The following RAPGEF4 variants were observed in gnomAD, a reference collection of about 807,000 sequenced individuals.
RAPGEF4 encodes the protein Rap guanine nucleotide exchange factor 4, also known as RAP guanine-nucleotide-exchange factor (GEF) 4.
Under a neutral mutation model 147.9 loss-of-function variants are expected in RAPGEF4, and 66 were observed. The ratio of observed to expected loss-of-function variants is 0.45; its 90% CI spans 0.37 to 0.55. The LOEUF (loss-of-function observed/expected upper bound fraction) is 0.55. Ranked by LOEUF, RAPGEF4 falls within the 20% of genes least tolerant of loss-of-function variation. RAPGEF4 has a pLI of 0.00. For synonymous variants in RAPGEF4, 419 were observed against 442.7 expected (o/e 0.95, Z 0.67); for missense variants, 1,071 against 1,257.3 (o/e 0.85, Z 2.24).
At chr2:172,877,590 GT>G (rs570356179) in intron 4 of RAPGEF4, among the ~76,000 whole-genome samples, 97 of 151,940 alleles carry the variant, frequency 6.4e-4, no homozygotes, top group Non-Finnish European at 9.1e-4. Context: ...ATGATGAGCT[GT>G]TCCCTACTGG....
In RAPGEF4 at chr2:172,956,480, T is replaced by C. The variant is rs551790240; in HGVS notation, c.538-4280T>C. On this transcript the variant is annotated intron_variant, in intron 6 of 30. Transcript: ENST00000397081. ...TTACAAAGTTTCTTTTTCTTTTTTT[T>C]TTTTTTTGAGATGGAATCTCACTCT... 2.3e-3 allele frequency among the ~76,000 whole-genome samples: 340 copies of C among 150,698 alleles called. 2 individuals carry two copies. The highest frequency in any genetic ancestry group is 8.1e-3 in the African/African-American group (333 of 41,242).
Position 172,773,648 on chromosome 2 carries a change from C to T in RAPGEF4, c.66-21377C>T, listed in dbSNP as rs542411272. On this transcript the variant is annotated intron_variant, in intron 1 of 30. Transcript: ENST00000397081. ...ACTGCCTCCCTGCCCCACACTGCCC[C>T]CCCCGCGGACCATCCTACCCAACAG... Among the ~76,000 whole-genome samples, 7 of 151,880 alleles carry T rather than the reference C, an allele frequency of 4.6e-5. No individual in the cohort carries two copies. In the East Asian group the frequency reaches 5.8e-4, roughly 13 times the overall value.
At position 172,844,824 on chromosome 2, in the gene RAPGEF4, G is replaced by C. The variant is rs142020458; in HGVS notation, c.444+30399G>C. ...GACATATTGTAAGCCACTCAAAAGT[G>C]ATAGTTTCAGTTTAATGTCATCTAC... On this transcript the variant is annotated intron_variant, in intron 4 of 30. Transcript: ENST00000397081. Among the ~76,000 whole-genome samples, 8 of 152,312 alleles carry C rather than the reference G, an allele frequency of 5.3e-5. 1 individual carries two copies. In the East Asian group the frequency reaches 1.5e-3, roughly 29 times the overall value.
intron 18 of RAPGEF4, among the ~76,000 whole-genome samples, chr2:173,015,086 T>TAGTA (rs1695388407): frequency 6.6e-6 from 1 of 152,202 alleles, no homozygotes; most frequent in Non-Finnish European, 1.5e-5. Context: ...CTTCCTAGAA[T>TAGTA]AGTAGTACGG....
intron 6 of RAPGEF4, among the ~76,000 whole-genome samples, chr2:172,958,260 A>T (rs904862669): frequency 6.6e-6 from 1 of 152,218 alleles, no homozygotes; most frequent in Non-Finnish European, 1.5e-5. Flanking sequence ...ATGGATTTCT[A>T]CTATTATTTT....
intron 29 of RAPGEF4, among the ~76,000 whole-genome samples, chr2:173,046,675 T>A (rs1242110819): frequency 2.0e-5 from 3 of 152,254 alleles, no homozygotes; most frequent in Admixed American, 2.0e-4. Context: ...GGGCTAATTA[T>A]ACATTGTACG....
At chr2:172,985,976 A>G (rs1692207736) in intron 12 of RAPGEF4, among the ~76,000 whole-genome samples, 1 of 152,238 alleles carries the variant, frequency 6.6e-6, no homozygotes, top group South Asian at 2.1e-4. Context: ...TTTGCTTCAA[A>G]TACATATGCA....
chr2:172,810,543 C>A (rs1487416408), intron 3 of RAPGEF4, among the ~76,000 whole-genome samples: 1 of 152,136 alleles, frequency 6.6e-6, no homozygotes, highest in Non-Finnish European at 1.5e-5. Context: ...ATCCAGTGGA[C>A]TGAGAAATGA....
chr2:172,792,778 C>T (rs1685954603), intron 1 of RAPGEF4, among the ~76,000 whole-genome samples: 1 of 152,148 alleles, frequency 6.6e-6, no homozygotes, highest in South Asian at 2.1e-4. Context: ...GAACTCTGGC[C>T]TAGCTAGTCT....
At chr2:172,804,379 G>A (rs750202638) in intron 3 of RAPGEF4, among the ~76,000 whole-genome samples, 1 of 152,108 alleles carries the variant, frequency 6.6e-6, no homozygotes, top group Non-Finnish European at 1.5e-5. Context: ...TGGGTTGAGG[G>A]TCCTACTTAT....
chr2:173,043,207 A>G (rs1265364175), intron 29 of RAPGEF4, among the ~76,000 whole-genome samples: 2 of 152,246 alleles, frequency 1.3e-5, no homozygotes, highest in South Asian at 4.1e-4. Context: ...GTAATTAACA[A>G]AGGTCCTATA....
chr2:172,762,855 AT>A (rs887806457), intron 1 of RAPGEF4, among the ~76,000 whole-genome samples: 34 of 152,050 alleles, frequency 2.2e-4, no homozygotes, highest in African/African-American at 7.7e-4. Context: ...TAAAACACTG[AT>A]TGTGGACTTG....
chr2:172,877,554 A>G (rs1696113320), intron 4 of RAPGEF4, among the ~76,000 whole-genome samples: 1 of 151,260 alleles, frequency 6.6e-6, no homozygotes, highest in Admixed American at 6.6e-5. Flanking sequence ...AAAAGAAATG[A>G]GTTTAAAGTC....
chr2:173,018,865 A>G, intron 22 of RAPGEF4, 63 bp downstream of exon 22: 2 of 1,569,540 alleles, frequency 1.3e-6, no homozygotes, highest in South Asian at 1.2e-5. Flanking sequence ...AGCAGAAACT[A>G]TGTAAGGAGT....
chr2:172,916,847 C>T (rs1194215882), intron 4 of RAPGEF4, among the ~76,000 whole-genome samples: 4 of 152,186 alleles, frequency 2.6e-5, no homozygotes, highest in Non-Finnish European at 5.9e-5. Context: ...TTTCTGCTGA[C>T]GTTTGTGCAA....
chr2:173,028,163 G>C (rs1022882039), intron 25 of RAPGEF4, among the ~76,000 whole-genome samples: 1 of 152,306 alleles, frequency 6.6e-6, no homozygotes, highest in South Asian at 2.1e-4. Flanking sequence ...CAACTTGAGG[G>C]TTCAATAGAA....
intron 30 of RAPGEF4, among the ~76,000 whole-genome samples, chr2:173,049,830 G>A (rs3769211): frequency 1.6e-4 from 25 of 152,052 alleles, no homozygotes; most frequent in Non-Finnish European, 2.9e-4. Context: ...ATTAATTTAC[G>A]TTGTGTTTAA....
At chr2:173,025,887 G>A (rs1292959076) in intron 23 of RAPGEF4, among the ~76,000 whole-genome samples, 1 of 152,178 alleles carries the variant, frequency 6.6e-6, no homozygotes, top group East Asian at 1.9e-4. Context: ...AAATAAAACT[G>A]AGATAAGCAA....
chr2:172,962,630 GTTAGAAGACCAAAA>G (rs1366705374), intron 8 of RAPGEF4, among the ~76,000 whole-genome samples: 1 of 151,912 alleles, frequency 6.6e-6, no homozygotes, highest in Non-Finnish European at 1.5e-5. Context: ...GCATGAATAT[GTTAGAAGACCAAAA>G]TTGACAGTGT....
Sources: gnomAD v4.1 joint callset for allele counts (sites outside exome capture counted in the v4.1 genomes callset) on GRCh38, gnomAD v4.1.1 for gene constraint, MANE v1.5 for transcripts, NCBI Gene and HGNC (gene_info 2026-07-23, HGNC 2026-07-21) for gene names.